Variants in TMEM117 observed in about 807,000 individuals in gnomAD.
TMEM117 encodes the protein transmembrane protein 117.
A neutral mutation model predicts 52.4 loss-of-function variants in TMEM117; 27 were observed. The ratio of observed to expected loss-of-function variants is 0.51; its 90% CI spans 0.38 to 0.71. TMEM117 has a LOEUF of 0.71. TMEM117 is among the 30% of genes least tolerant of loss of function. The pLI is 0.00. For missense variants in TMEM117, 556 were observed against 630.5 expected (o/e 0.88, Z 1.26); for synonymous variants, 215 against 206.3 (o/e 1.04, Z -0.36).
intron 2 of TMEM117, among the ~76,000 whole-genome samples, chr12:43,846,763 G>A (rs1374659997): frequency 6.6e-6 from 1 of 152,144 alleles, no homozygotes; most frequent in African/African-American, 2.4e-5. Context: ...AGATAAATAG[G>A]TGACTTACTG....
At position 43,944,206 on chromosome 12, in the gene TMEM117, T is replaced by G; in HGVS notation, c.278-4T>G. On this transcript the variant is annotated splice_region_variant and splice_polypyrimidine_tract_variant and intron_variant, in intron 2 of 7. Transcript: ENST00000266534. ...ATTAATTTTTAATAATATTTGTATTTCAGGTCAGTTGCTCCGATTAAAAAT... is the reference window on the plus strand; with the variant it reads ...ATTAATTTTTAATAATATTTGTATTGCAGGTCAGTTGCTCCGATTAAAAAT... 1 of 1,606,926 alleles carries G rather than the reference T, an allele frequency of 6.2e-7. No individual in the cohort carries two copies. The highest frequency in any genetic ancestry group is 8.5e-7 in the Non-Finnish European group (1 of 1,177,428).
chr12:44,101,732 T>C (rs1369715504), intron 3 of TMEM117, among the ~76,000 whole-genome samples: 3 of 152,090 alleles, frequency 2.0e-5, no homozygotes, highest in African/African-American at 4.8e-5. Flanking sequence ...TTCTGTCTTA[T>C]GTCCTTCCAC....
chr12:43,836,050 G>C (rs1943020804), upstream of TMEM117: 1 of 151,588 alleles, frequency 6.6e-6, no homozygotes, highest in Non-Finnish European at 1.5e-5. Flanking sequence ...GGCCGAGCCG[G>C]TATTTATAGC....
chr12:44,182,334 A>G lies in TMEM117; in HGVS notation c.511-28956A>G, dbSNP rs1949213597. On this transcript the variant is annotated intron_variant, in intron 4 of 7. Transcript: ENST00000266534. The stretch of plus-strand genomic sequence containing the variant: ...ATTTGACTTCCTCTTTTCCTAATGG[A>G]ATACCCTTTATTTCCTTCTCCTGCC... Among the ~76,000 whole-genome samples the G allele has an allele frequency of 2.0e-5, 3 of 152,270 alleles. No homozygotes were observed. In the South Asian group the frequency reaches 6.2e-4, roughly 32 times the overall value.
Position 43,868,250 on chromosome 12 carries a change from C to A in TMEM117, c.277+23322C>A, listed in dbSNP as rs1296589662. 4.0e-5 allele frequency among the ~76,000 whole-genome samples: 5 copies of A among 126,242 alleles called. No individual in the cohort carries two copies. In the East Asian group the frequency reaches 1.4e-3, roughly 35 times the overall value. 82.8% of individuals were successfully genotyped at this position (126,242 alleles called of 152,430 possible). A position where few individuals can be genotyped will look rare whatever the true frequency, so the allele number is the denominator to read the frequency against. ...CTCCAAATATTTAGAAATTAAAAAACACACTTCAGGCTATGCATGGTGGCT... is the reference window on the plus strand; with the variant it reads ...CTCCAAATATTTAGAAATTAAAAAAAACACTTCAGGCTATGCATGGTGGCT... On this transcript the variant is annotated intron_variant, in intron 2 of 7. Coordinates refer to ENST00000266534, the MANE Select transcript of TMEM117 (RefSeq NM_032256.3).
At chr12:44,275,061 A>C (rs1950495746) in intron 5 of TMEM117, among the ~76,000 whole-genome samples, 1 of 152,140 alleles carries the variant, frequency 6.6e-6, no homozygotes, top group African/African-American at 2.4e-5. Context: ...TCTGACGATG[A>C]ATGACTAGAA....
chr12:43,931,940 T>G (rs183884812), intron 2 of TMEM117, among the ~76,000 whole-genome samples: 1 of 152,308 alleles, frequency 6.6e-6, no homozygotes, highest in Admixed American at 6.5e-5. Context: ...TTCTCAGTGT[T>G]TTTATGGGCG....
intron 3 of TMEM117, chr12:44,008,509 G>T (rs1592435962): frequency 6.1e-6 from 1 of 164,898 alleles, no homozygotes; most frequent in Non-Finnish European, 1.3e-5. Context: ...TTTCTGAAGC[G>T]TAAGATCTAT....
chr12:44,235,942 C>T (rs1949990369), intron 5 of TMEM117, among the ~76,000 whole-genome samples: 1 of 151,782 alleles, frequency 6.6e-6, no homozygotes, highest in Non-Finnish European at 1.5e-5. Flanking sequence ...CATCATTTCA[C>T]TCTCTTCTGG....
At chr12:44,381,578 G>A (rs1355170119) in intron 7 of TMEM117, among the ~76,000 whole-genome samples, 2 of 152,196 alleles carry the variant, frequency 1.3e-5, no homozygotes, top group Non-Finnish European at 2.9e-5. Context: ...GGCCTGTGCA[G>A]CCTTGAGAAA....
At chr12:44,289,550 C>CTT (rs60675070) in intron 5 of TMEM117, among the ~76,000 whole-genome samples, 1,245 of 121,932 alleles carry the variant, frequency 0.01, 30 homozygotes, top group African/African-American at 0.024. Flanking sequence ...TTTCTTTTCT[C>CTT]TTTTTTTTTT....
intron 2 of TMEM117, among the ~76,000 whole-genome samples, chr12:43,925,799 G>A (rs12297529): frequency 0.061 from 9,349 of 152,216 alleles, 750 homozygotes; most frequent in African/African-American, 0.18. Context: ...AGGATCCATG[G>A]GCTGAGCTTG....
chr12:43,859,830 A>G (rs1379790945), intron 2 of TMEM117, among the ~76,000 whole-genome samples: 1 of 152,240 alleles, frequency 6.6e-6, no homozygotes, highest in Non-Finnish European at 1.5e-5. Flanking sequence ...TATACTGAAC[A>G]TAAGGCATAA....
chr12:43,851,948 A>G (rs1307422536), intron 2 of TMEM117, among the ~76,000 whole-genome samples: 1 of 152,212 alleles, frequency 6.6e-6, no homozygotes, highest in Non-Finnish European at 1.5e-5. Flanking sequence ...TGGCAAATGC[A>G]GAAATGGATT....
At chr12:44,287,198 A>G (rs1950649099) in intron 5 of TMEM117, among the ~76,000 whole-genome samples, 1 of 152,214 alleles carries the variant, frequency 6.6e-6, no homozygotes. Flanking sequence ...AAAAGGAAAT[A>G]GACTAACTGG....
chr12:44,029,335 T>TA (rs1223442788), intron 3 of TMEM117, among the ~76,000 whole-genome samples: 2 of 152,200 alleles, frequency 1.3e-5, no homozygotes, highest in Admixed American at 1.3e-4. Context: ...CTCTTTGGAA[T>TA]AATCTGCTTA....
chr12:43,853,001 T>C (rs1943337297), intron 2 of TMEM117, among the ~76,000 whole-genome samples: 1 of 152,180 alleles, frequency 6.6e-6, no homozygotes. Flanking sequence ...TCAGAATGAG[T>C]TGGTAGGTGT....
chr12:44,367,199 A>T (rs1276243641), intron 6 of TMEM117, among the ~76,000 whole-genome samples: 1 of 152,074 alleles, frequency 6.6e-6, no homozygotes, highest in Non-Finnish European at 1.5e-5. Context: ...AAAGCTCCTC[A>T]TTAGAGTTCT....
chr12:44,210,916 T>C (rs1488817020), intron 4 of TMEM117, among the ~76,000 whole-genome samples: 1 of 152,116 alleles, frequency 6.6e-6, no homozygotes, highest in Non-Finnish European at 1.5e-5. Context: ...ATTAATGATA[T>C]CGCTAAAAAT....
Sources: allele counts gnomAD v4.1 joint callset (sites outside exome capture counted in the v4.1 genomes callset), GRCh38; gene constraint gnomAD v4.1.1; transcripts MANE v1.5; gene names NCBI Gene and HGNC (gene_info 2026-07-23, HGNC 2026-07-21).